FAM227B: variants seen among roughly 807,000 people sequenced by gnomAD.
The protein encoded by FAM227B is family with sequence similarity 227 member B, also known as protein FAM227B.
A neutral mutation model predicts 73.8 loss-of-function variants in FAM227B; 88 were observed. The observed-to-expected ratio is 1.19, with a 90% CI of 1.00 to 1.42. The LOEUF (loss-of-function observed/expected upper bound fraction) is 1.42, where lower values mean the gene tolerates loss of function less well. FAM227B is among the 40% of genes most tolerant of loss of function. The probability of loss-of-function intolerance (pLI) is 0.00; values close to 1 mark genes in which losing one functional copy is unlikely to be tolerated. For synonymous variants in FAM227B, 210 were observed against 190.5 expected (o/e 1.10, Z -0.84); for missense variants, 632 against 590.9 (o/e 1.07, Z -0.72).
intron 11 of FAM227B, among the ~76,000 whole-genome samples, chr15:49,497,111 A>G (rs1194047227): frequency 6.6e-6 from 1 of 152,242 alleles, no homozygotes; most frequent in Admixed American, 6.5e-5. Flanking sequence ...AAAGGGGAAT[A>G]TAGAAATATT....
At chr15:49,362,501 A>G (rs1225465603) in intron 13 of FAM227B, among the ~76,000 whole-genome samples, 1 of 150,144 alleles carries the variant, frequency 6.7e-6, no homozygotes, top group African/African-American at 2.4e-5. Context: ...CGACTAATAC[A>G]CTTATAGATT....
chr15:49,605,698 C>CT (rs2077475751), intron 3 of FAM227B, among the ~76,000 whole-genome samples: 1 of 151,820 alleles, frequency 6.6e-6, no homozygotes, highest in African/African-American at 2.4e-5. Flanking sequence ...GACCTGAAGT[C>CT]TGACTGCCCT....
chr15:49,366,575 G>A, intron 13 of FAM227B: 2 of 1,598,006 alleles, frequency 1.3e-6, no homozygotes, highest in Non-Finnish European at 1.7e-6. Flanking sequence ...GTCCTTGGAT[G>A]TGCCATTTCC....
At chr15:49,596,684 T>A (rs756467184) in intron 3 of FAM227B, among the ~76,000 whole-genome samples, 1 of 152,002 alleles carries the variant, frequency 6.6e-6, no homozygotes, top group Non-Finnish European at 1.5e-5. Context: ...AATGGCAGAA[T>A]GGATAAGAAT....
intron 11 of FAM227B, among the ~76,000 whole-genome samples, chr15:49,459,543 T>C (rs201247126): frequency 6.7e-6 from 1 of 149,560 alleles, no homozygotes; most frequent in African/African-American, 2.4e-5. Flanking sequence ...TCCCATCCTC[T>C]ATCTTTATCT....
intron 9 of FAM227B, among the ~76,000 whole-genome samples, chr15:49,546,082 A>G (rs1316606166): frequency 1.3e-5 from 2 of 151,846 alleles, no homozygotes; most frequent in Non-Finnish European, 2.9e-5. Flanking sequence ...AGCATTAGGT[A>G]TATCTCCCAA....
At chr15:49,357,758 A>G (rs1438173415) in intron 13 of FAM227B, among the ~76,000 whole-genome samples, 1 of 152,126 alleles carries the variant, frequency 6.6e-6, no homozygotes, top group Non-Finnish European at 1.5e-5. Flanking sequence ...TCATTCTGAT[A>G]CCAAAGCCAA....
intron 14 of FAM227B, among the ~76,000 whole-genome samples, chr15:49,334,956 A>G (rs549821112): frequency 6.6e-6 from 1 of 152,320 alleles, no homozygotes; most frequent in South Asian, 2.1e-4. Context: ...ATTATTTTAT[A>G]AATTATTATG....
chr15:49,618,946 G>A (rs920032909), intron 1 of FAM227B, among the ~76,000 whole-genome samples: 3 of 152,090 alleles, frequency 2.0e-5, no homozygotes, highest in African/African-American at 4.8e-5. Context: ...CAGGATCCCC[G>A]GCAGTTAAAG....
intron 14 of FAM227B, chr15:49,334,377 T>C (rs1015841198): frequency 1.7e-5 from 5 of 289,266 alleles, no homozygotes; most frequent in East Asian, 1.7e-4. Context: ...TTTACTGATA[T>C]ACACGTGTTA....
chr15:49,421,974 G>C (rs1267363526), intron 11 of FAM227B, among the ~76,000 whole-genome samples: 1 of 152,186 alleles, frequency 6.6e-6, no homozygotes, highest in African/African-American at 2.4e-5. Context: ...GGGTACATCT[G>C]AACTATTCTG....
intron 11 of FAM227B, among the ~76,000 whole-genome samples, chr15:49,459,655 T>C (rs912331692): frequency 7.2e-5 from 11 of 152,182 alleles, no homozygotes; most frequent in Non-Finnish European, 1.3e-4. Flanking sequence ...CTAGTATTTC[T>C]ATAGTTCTCT....
chr15:49,517,040 C>T (rs1242795197), intron 10 of FAM227B, among the ~76,000 whole-genome samples: 1 of 152,194 alleles, frequency 6.6e-6, no homozygotes, highest in African/African-American at 2.4e-5. Flanking sequence ...AGGAACACAT[C>T]TCTGTCAATA....
intron 11 of FAM227B, among the ~76,000 whole-genome samples, chr15:49,400,787 T>C (rs1486386818): frequency 6.6e-6 from 1 of 151,130 alleles, no homozygotes; most frequent in Non-Finnish European, 1.5e-5. Context: ...CTGGGAAAAC[T>C]GGCTAGCCAT....
At chr15:49,353,616 T>G (rs1187108596) in intron 13 of FAM227B, 1 of 143,540 alleles carries the variant, frequency 7.0e-6, no homozygotes, top group African/African-American at 2.7e-5. Flanking sequence ...AAATAAGGGT[T>G]TTTTTTTTTT....
chr15:49,328,419 T>C lies in FAM227B; in HGVS notation c.*149A>G. ...TTTAAGAATAACTTACTGAGATTTA[T>C]TGATTTGAAGATTTTAAAGATGAAT... is the stretch of plus-strand genomic sequence containing the variant. On this transcript the variant is annotated 3_prime_UTR_variant, in exon 16 of 16. Transcript: ENST00000299338. 7.0e-7 allele frequency: 1 copy of C among 1,437,044 alleles called. No individual in the cohort carries two copies. Among genetic ancestry groups the C allele is most frequent in the Non-Finnish European group, 9.1e-7 (1 of 1,097,540 alleles). The allele number at this position is 1,437,044 out of a possible 1,614,324, so 89.0% of individuals were successfully genotyped here. A position where few individuals can be genotyped will look rare whatever the true frequency, so the allele number is the denominator to read the frequency against.
intron 13 of FAM227B, chr15:49,366,478 G>A (rs762893378): frequency 8.1e-6 from 9 of 1,106,220 alleles, no homozygotes; most frequent in South Asian, 1.2e-5. Context: ...ATAGTGGTGC[G>A]GAAGTCAGAT....
intron 13 of FAM227B, chr15:49,365,094 T>C (rs895656735): frequency 1.3e-5 from 8 of 626,730 alleles, no homozygotes; most frequent in African/African-American, 3.7e-5. Flanking sequence ...AGAAAATCAA[T>C]GACACATTAT....
chr15:49,471,290 G>C (rs2054723572), intron 11 of FAM227B, among the ~76,000 whole-genome samples: 2 of 151,608 alleles, frequency 1.3e-5, no homozygotes, highest in Admixed American at 1.3e-4. Context: ...TTCGAGACTA[G>C]CCTGGCTAAC....
Sources: gnomAD v4.1 joint callset for allele counts (sites outside exome capture counted in the v4.1 genomes callset) on GRCh38, gnomAD v4.1.1 for gene constraint, MANE v1.5 for transcripts, NCBI Gene and HGNC (gene_info 2026-07-23, HGNC 2026-07-21) for gene names.